RNF43: variants seen among roughly 807,000 people sequenced by gnomAD.
RNF43 encodes E3 ubiquitin-protein ligase RNF43.
A neutral mutation model predicts 78.4 loss-of-function variants in RNF43; 37 were observed. That is an observed-to-expected ratio of 0.47 (90% CI 0.36 to 0.62). RNF43 has a LOEUF of 0.62. Among genes scored for constraint, RNF43 ranks in the 20% least tolerant of loss-of-function variants. The pLI, the probability that RNF43 is intolerant of heterozygous loss-of-function variation, is 0.00. For missense variants in RNF43, 774 were observed against 1,007.9 expected (o/e 0.77, Z 3.14); for synonymous variants, 347 against 395.0 (o/e 0.88, Z 1.44).
In RNF43 at chr17:58,368,712, C is replaced by CA. The variant is rs71365882; in HGVS notation, c.375+2198dup. Among the ~76,000 whole-genome samples, 897 of 95,646 alleles carry CA rather than the reference C, an allele frequency of 9.4e-3. 21 individuals are homozygous for CA. Among genetic ancestry groups the CA allele is most frequent in the East Asian group, 0.084 (297 of 3,546 alleles). The allele number at this position is 95,646 out of a possible 152,430, so 62.7% of individuals were successfully genotyped here. A position where few individuals can be genotyped will look rare whatever the true frequency, so the allele number is the denominator to read the frequency against. On this transcript the variant is annotated intron_variant, in intron 3 of 9. Coordinates refer to ENST00000407977, the MANE Select transcript of RNF43 (RefSeq NM_017763.6). ...TGGGCAACAGAGCAAGACTCTGTCT[C>CA]AAAAAAAAAAAAAAAGAAAAAAGAA...
intron 6 of RNF43, 136 bp downstream of exon 6, chr17:58,362,408 C>T: frequency 1.8e-6 from 1 of 552,122 alleles, no homozygotes; most frequent in Non-Finnish European, 3.1e-6. Flanking sequence ...TCAACAAAGA[C>T]AGACGCTGGG....
At chr17:58,409,882 T>A (rs1053435664) in intron 2 of RNF43, among the ~76,000 whole-genome samples, 4 of 152,018 alleles carry the variant, frequency 2.6e-5, no homozygotes, top group African/African-American at 9.7e-5. Context: ...CAAGACCCTA[T>A]CTCAAAATAC....
chr17:58,380,287 C>T (rs1409096354), intron 2 of RNF43, among the ~76,000 whole-genome samples: 4 of 152,136 alleles, frequency 2.6e-5, no homozygotes, highest in Admixed American at 6.5e-5. Context: ...GCAGAAAGGC[C>T]GAGGTCTTGA....
At chr17:58,368,662 G>A (rs1444535787) in intron 3 of RNF43, among the ~76,000 whole-genome samples, 1 of 150,122 alleles carries the variant, frequency 6.7e-6, no homozygotes, top group Non-Finnish European at 1.5e-5. Context: ...GCAGTGAGCC[G>A]AGATGGAGCC....
intron 3 of RNF43, among the ~76,000 whole-genome samples, chr17:58,369,905 G>T (rs1425869632): frequency 6.6e-6 from 1 of 152,128 alleles, no homozygotes; most frequent in Non-Finnish European, 1.5e-5. Flanking sequence ...ACAGGCAAAG[G>T]TCTAAAGGTC....
At chr17:58,414,764 CT>C (rs1302615633) in intron 2 of RNF43, among the ~76,000 whole-genome samples, 2 of 152,140 alleles carry the variant, frequency 1.3e-5, no homozygotes, top group Non-Finnish European at 2.9e-5. Context: ...AGGTTTACAC[CT>C]TGTGTCCATT....
Position 58,415,611 on chromosome 17 carries a change from A to C in RNF43, c.-34T>G, listed in dbSNP as rs776967878. On this transcript the variant is annotated 5_prime_UTR_variant, in exon 2 of 10. The change abolishes an upstream ATG in the 5' untranslated region. Coordinates refer to ENST00000407977, the MANE Select transcript of RNF43 (RefSeq NM_017763.6). ...CTGCAGCAATGCACTTCAACCATACATACTGCTTCCACTAGCTAATACCAA... is the reference window on the plus strand; with the variant it reads ...CTGCAGCAATGCACTTCAACCATACCTACTGCTTCCACTAGCTAATACCAA... 21 of 1,599,908 alleles carry C rather than the reference A, an allele frequency of 1.3e-5. No homozygotes were observed. The South Asian group carries it at 2.2e-4, about 17-fold the overall frequency.
intron 2 of RNF43, among the ~76,000 whole-genome samples, chr17:58,400,953 C>T (rs1973783540): frequency 6.6e-6 from 1 of 152,012 alleles, no homozygotes; most frequent in African/African-American, 2.4e-5. Context: ...GCCTACAAAA[C>T]AACTGCCTAA....
At chr17:58,361,304 C>A (rs528054753) in intron 6 of RNF43, among the ~76,000 whole-genome samples, 226 of 152,336 alleles carry the variant, frequency 1.5e-3, no homozygotes, top group African/African-American at 4.7e-3. Context: ...CCGTCTTCCC[C>A]ATTATAGCAA....
Position 58,354,805 on chromosome 17 carries a change from T to C in RNF43, c.*138A>G. The C allele has an allele frequency of 1.3e-6, 1 of 791,530 alleles. No homozygotes were observed. The highest frequency in any genetic ancestry group is 2.2e-6 in the Non-Finnish European group (1 of 457,254). The allele number at this position is 791,530 out of a possible 1,614,324, so 49.0% of individuals were successfully genotyped here. On this transcript the variant is annotated 3_prime_UTR_variant, in exon 10 of 10. Coordinates refer to ENST00000407977, the MANE Select transcript of RNF43 (RefSeq NM_017763.6). ...TCACCCTCCACCATCACCAGTCCTC[T>C]TCCAGTGCTTCTAGGAAGTACGGCA...
intron 2 of RNF43, among the ~76,000 whole-genome samples, chr17:58,392,189 T>C (rs906499088): frequency 6.6e-6 from 1 of 152,186 alleles, no homozygotes; most frequent in Non-Finnish European, 1.5e-5. Context: ...CAGAGCAGGA[T>C]AGAGTAGGAA....
At chr17:58,370,446 G>T (rs891444792) in intron 3 of RNF43, among the ~76,000 whole-genome samples, 12 of 152,184 alleles carry the variant, frequency 7.9e-5, no homozygotes, top group Non-Finnish European at 1.5e-4. Context: ...CGCTGTGAGG[G>T]TTAAACACAA....
At chr17:58,416,102 T>C in intron 1 of RNF43, 140 bp from the exon 2 acceptor site, 1 of 170,890 alleles carries the variant, frequency 5.9e-6, no homozygotes, top group East Asian at 1.1e-4. Flanking sequence ...GGTAAATGAC[T>C]AAATACCACA....
intron 2 of RNF43, among the ~76,000 whole-genome samples, chr17:58,384,067 G>A (rs1281638309): frequency 1.3e-5 from 2 of 152,242 alleles, no homozygotes; most frequent in Non-Finnish European, 2.9e-5. Flanking sequence ...GCAGTTGTAT[G>A]TTCAAATATT....
At chr17:58,410,738 C>T (rs1974011219) in intron 2 of RNF43, among the ~76,000 whole-genome samples, 2 of 152,200 alleles carry the variant, frequency 1.3e-5, no homozygotes, top group South Asian at 2.1e-4. Flanking sequence ...AGTAAACAGA[C>T]ATTGTGATTT....
intron 3 of RNF43, among the ~76,000 whole-genome samples, chr17:58,364,914 CCA>C (rs1277490497): frequency 1.3e-5 from 2 of 152,228 alleles, no homozygotes; most frequent in Non-Finnish European, 2.9e-5. Context: ...TCTCCACTCC[CCA>C]GACAGCAGCA....
At chr17:58,377,811 A>G (rs1973236385) in intron 2 of RNF43, among the ~76,000 whole-genome samples, 1 of 152,038 alleles carries the variant, frequency 6.6e-6, no homozygotes, top group Non-Finnish European at 1.5e-5. Context: ...TTTGTAATCA[A>G]GAACATTGGC....
At chr17:58,379,237 T>C (rs1176097509) in intron 2 of RNF43, among the ~76,000 whole-genome samples, 1 of 152,172 alleles carries the variant, frequency 6.6e-6, no homozygotes, top group Non-Finnish European at 1.5e-5. Context: ...TCCCCATTTC[T>C]AGAATTTTCA....
chr17:58,379,008 T>C (rs886432028), intron 2 of RNF43, among the ~76,000 whole-genome samples: 33 of 152,298 alleles, frequency 2.2e-4, no homozygotes, highest in African/African-American at 7.9e-4. Context: ...TCAAAATTTG[T>C]CTTTTACAGC....
Sources: gnomAD v4.1 joint callset for allele counts (sites outside exome capture counted in the v4.1 genomes callset) on GRCh38, gnomAD v4.1.1 for gene constraint, MANE v1.5 for transcripts, NCBI Gene and HGNC (gene_info 2026-07-23, HGNC 2026-07-21) for gene names.